ACTR3B: variants seen among roughly 807,000 people sequenced by gnomAD.
ACTR3B encodes the protein actin-related protein 3B.
ACTR3B carries 8 observed loss-of-function variants against 59.0 expected under a neutral mutation model. That is an observed-to-expected ratio of 0.14 (90% confidence interval 0.08 to 0.24). ACTR3B has a LOEUF of 0.24. Among genes scored for constraint, ACTR3B ranks in the 10% least tolerant of loss-of-function variants. ACTR3B has a pLI of 1.00. For missense variants in ACTR3B, 245 were observed against 552.3 expected (o/e 0.44, Z 5.58); for synonymous variants, 148 against 197.9 (o/e 0.75, Z 2.12).
At chr7:152,829,034 G>GA (rs1403534332) in intron 9 of ACTR3B, among the ~76,000 whole-genome samples, 3,303 of 146,982 alleles carry the variant, frequency 0.022, 115 homozygotes, top group African/African-American at 0.077. Flanking sequence ...AGTAAAAATT[G>GA]TGTGTGTGTG....
chr7:152,800,466 C>A, intron 2 of ACTR3B, 65 bp from the exon 3 acceptor site: 10 of 1,571,896 alleles, frequency 6.4e-6, no homozygotes, highest in South Asian at 1.2e-5. Context: ...AGGATATTAT[C>A]CCTTTTGATC....
At chr7:152,794,961 G>A (rs926571029) in intron 2 of ACTR3B, among the ~76,000 whole-genome samples, 1 of 151,912 alleles carries the variant, frequency 6.6e-6, no homozygotes, top group African/African-American at 2.4e-5. Context: ...TTTCTGCCCT[G>A]TGTCTTTTTC....
chr7:152,814,689 C>T, intron 5 of ACTR3B, 44 bp downstream of exon 5: 1 of 1,495,994 alleles, frequency 6.7e-7, no homozygotes, highest in Non-Finnish European at 9.2e-7. Flanking sequence ...CCTGAGCTGT[C>T]TAGTAGCGGA....
intron 4 of ACTR3B, 146 bp from the exon 5 acceptor site, chr7:152,814,404 A>G: frequency 1.7e-6 from 1 of 575,354 alleles, no homozygotes; most frequent in Non-Finnish European, 2.9e-6. Flanking sequence ...AGATTTCTTT[A>G]ATACACTTTG....
At chr7:152,814,836 A>AT (rs1795559913) in intron 5 of ACTR3B, among the ~76,000 whole-genome samples, 191 bp downstream of exon 5, 2 of 152,040 alleles carry the variant, frequency 1.3e-5, no homozygotes, top group South Asian at 4.2e-4. Flanking sequence ...TTTTGATGCC[A>AT]TTTTTTGGTA....
chr7:152,848,387 T>G (rs563689573), intron 9 of ACTR3B, among the ~76,000 whole-genome samples: 16 of 152,180 alleles, frequency 1.1e-4, no homozygotes, highest in Non-Finnish European at 2.4e-4. Flanking sequence ...AGAGCGAGGC[T>G]GGAGGAATCT....
chr7:152,846,370 C>T (rs1172894274), intron 9 of ACTR3B, among the ~76,000 whole-genome samples: 5 of 139,948 alleles, frequency 3.6e-5, no homozygotes, highest in African/African-American at 1.1e-4. Context: ...AGTGCCCGGG[C>T]TGTAGTCTGT....
chr7:152,811,938 C>G (rs180846432), intron 4 of ACTR3B: 1 of 138,486 alleles, frequency 7.2e-6, no homozygotes, highest in East Asian at 2.2e-4. Flanking sequence ...TTTCCTTGTG[C>G]ACTGCTCAAC....
intron 6 of ACTR3B, among the ~76,000 whole-genome samples, chr7:152,818,676 C>T (rs924190879): frequency 2.6e-5 from 4 of 152,318 alleles, no homozygotes; most frequent in East Asian, 1.9e-4. Context: ...CTCAAACTGC[C>T]GACCTCAGGT....
chr7:152,825,044 C>G lies in ACTR3B; in HGVS notation c.873C>G (p.Asp291Glu). The G allele has an allele frequency of 6.2e-7, 1 of 1,613,276 alleles. No individual in the cohort carries two copies. The highest frequency in any genetic ancestry group is 1.3e-5 in the African/African-American group (1 of 75,028). Residue 291 changes from aspartate (D) to glutamate (E), a missense_variant, in exon 9 of 12, where the codon GAC (aspartate) becomes GAG (glutamate). Coordinates refer to ENST00000256001, the MANE Select transcript of ACTR3B (RefSeq NM_020445.6). ...ACACAATTCAGTTTGCCAACCCAGA[C>G]TTTATGGAGTCCATCTCAGATGTTG... ...IFFHPEFANP[D>E]FMESISDVVD...
At chr7:152,803,415 G>A (rs2098242975) in intron 4 of ACTR3B, among the ~76,000 whole-genome samples, 1 of 152,122 alleles carries the variant, frequency 6.6e-6, no homozygotes, top group African/African-American at 2.4e-5. Flanking sequence ...TGTCTTTACA[G>A]CCAAAACAAA....
chr7:152,799,525 G>C (rs1395929135), intron 2 of ACTR3B, among the ~76,000 whole-genome samples: 8 of 151,950 alleles, frequency 5.3e-5, no homozygotes, highest in Admixed American at 4.6e-4. Flanking sequence ...ATTATTATTA[G>C]TTATTGACTT....
intron 1 of ACTR3B, among the ~76,000 whole-genome samples, chr7:152,778,943 CAAA>C (rs59789390): frequency 5.7e-4 from 21 of 36,816 alleles, no homozygotes; most frequent in East Asian, 1.1e-3. Flanking sequence ...ACTGTGTCTC[CAAA>C]AAAAAAAAAA....
intron 7 of ACTR3B, among the ~76,000 whole-genome samples, chr7:152,821,272 G>A (rs1317844521): frequency 6.6e-6 from 1 of 152,052 alleles, no homozygotes; most frequent in Non-Finnish European, 1.5e-5. Context: ...TTTCCTCCAT[G>A]GAAGAATATT....
At position 152,854,666 on chromosome 7, in the gene ACTR3B, C is replaced by A; in HGVS notation, c.*113C>A. 1.7e-6 allele frequency: 2 copies of A among 1,153,414 alleles called. No homozygotes were observed. Among genetic ancestry groups the A allele is most frequent in the Admixed American group, 2.0e-5 (1 of 50,934 alleles). 71.4% of individuals were successfully genotyped at this position (1,153,414 alleles called of 1,614,324 possible). On this transcript the variant is annotated 3_prime_UTR_variant, in exon 12 of 12. Coordinates refer to ENST00000256001, the MANE Select transcript of ACTR3B (RefSeq NM_020445.6). This position sits in a 1 kb window ranked among gnomAD's most constrained non-coding sequence, Gnocchi z 4.9. ...CGACGTCGGTGTTGCTGCCCAGCAG[C>A]GTGCTTGCATTGCCGGTGCATGAGG...
chr7:152,854,448 C>T lies in ACTR3B; in HGVS notation c.1162-10C>T. ...TGAGTGTCTTTCTGTCTGCCTGTTG[C>T]CTCTCGTAGCCCGAGTTCTTTCAGG... On this transcript the variant is annotated splice_polypyrimidine_tract_variant and intron_variant, in intron 11 of 11. Transcript: ENST00000256001. The surrounding 1 kb of genome is among the most constrained non-coding windows in gnomAD (Gnocchi z 4.9). The T allele has an allele frequency of 1.4e-5, 22 of 1,613,082 alleles. No individual in the cohort carries two copies. The highest frequency in any genetic ancestry group is 1.9e-5 in the Non-Finnish European group (22 of 1,179,094).
Position 152,772,229 on chromosome 7 carries a change from T to G in ACTR3B, c.45-10958T>G, listed in dbSNP as rs572919075. Among the ~76,000 whole-genome samples the G allele has an allele frequency of 3.5e-3, 525 of 151,226 alleles. 2 individuals carry two copies. Among genetic ancestry groups the G allele is most frequent in the African/African-American group, 0.012 (508 of 41,130 alleles). On this transcript the variant is annotated intron_variant, in intron 1 of 11. Coordinates refer to ENST00000256001, the MANE Select transcript of ACTR3B (RefSeq NM_020445.6). Reference sequence around the variant, plus strand: ...AAGATGATGAAGCAATGCTTAAGAATGTAGGGGGACTGGGCACAGTGGCTA... The same window carrying G: ...AAGATGATGAAGCAATGCTTAAGAAGGTAGGGGGACTGGGCACAGTGGCTA...
intron 4 of ACTR3B, chr7:152,813,313 G>A (rs1346127382): frequency 1.4e-5 from 2 of 145,258 alleles, no homozygotes; most frequent in South Asian, 2.3e-4. Flanking sequence ...TTTTAAATAC[G>A]AGATATAGAC....
chr7:152,852,212 G>A lies in ACTR3B; in HGVS notation c.1038G>A (p.Arg346=). The part of the protein sequence containing the change: ...QRDLKRVVDA[R]LRLSEELSGG... Reference sequence around the variant, plus strand: ...ATTTGAAGAGAGTGGTGGATGCTAGGCTGAGGCTCAGCGAGGAGCTCAGCG... The same window carrying A: ...ATTTGAAGAGAGTGGTGGATGCTAGACTGAGGCTCAGCGAGGAGCTCAGCG... Residue 346 remains arginine (R), a synonymous_variant, in exon 10 of 12, where the codon AGG becomes AGA. Transcript: ENST00000256001. 6.2e-7 allele frequency: 1 copy of A among 1,614,060 alleles called. No individual in the cohort carries two copies. The highest frequency in any genetic ancestry group is 8.5e-7 in the Non-Finnish European group (1 of 1,180,008).
Sources: gnomAD v4.1 joint callset for allele counts (sites outside exome capture counted in the v4.1 genomes callset) on GRCh38, gnomAD v4.1.1 for gene constraint, Gnocchi (gnomAD v3.1) non-coding constraint, MANE v1.5 for transcripts, NCBI Gene and HGNC (gene_info 2026-07-23, HGNC 2026-07-21) for gene names.